The following ZFP1 variants were observed in gnomAD, a reference collection of about 807,000 sequenced individuals.
The protein encoded by ZFP1 is zinc finger protein 1 homolog.
ZFP1 carries 32 observed loss-of-function variants against 38.5 expected under a neutral mutation model. That is an observed-to-expected ratio of 0.83 (90% CI 0.63 to 1.12). ZFP1 has a LOEUF of 1.12. Ranked by LOEUF, ZFP1 falls within the 50% of genes most tolerant of loss-of-function variation. The probability of loss-of-function intolerance (pLI) is 0.00; values close to 1 mark genes in which losing one functional copy is unlikely to be tolerated. For synonymous variants in ZFP1, 245 were observed against 168.8 expected, an observed-to-expected ratio of 1.45 and a Z score of -3.50; for missense variants, 616 against 480.8, an observed-to-expected ratio of 1.28 and a Z score of -2.63.
At position 75,166,529 on chromosome 16, in the gene ZFP1, A is replaced by C. The variant is rs1423731340; in HGVS notation, c.16-241A>C. 7.1e-6 allele frequency: 7 copies of C among 985,024 alleles called. No homozygotes were observed. The Admixed American group carries it at 3.1e-4, about 43-fold the overall frequency. The allele number at this position is 985,024 out of a possible 1,614,324, so 61.0% of individuals were successfully genotyped here. On this transcript the variant is annotated intron_variant, in intron 2 of 3. Coordinates refer to ENST00000570010, the MANE Select transcript of ZFP1 (RefSeq NM_153688.4). ...CAGGTGTGAGCCACTATGCCTGGCC[A>C]ATAGTGTTTTATTAATCTGAGACAC...
the ZFP1 span, among the ~76,000 whole-genome samples, chr16:75,120,152 TGTGTGTGCGCATGTGC>T: frequency 6.6e-6 from 1 of 152,236 alleles, no homozygotes; most frequent in Non-Finnish European, 1.5e-5. Flanking sequence ...GTGGTGTGTG[TGTGTGTGCGCATGTGC>T]GTGTGTGTGT....
the ZFP1 span, among the ~76,000 whole-genome samples, chr16:75,137,381 G>T: frequency 6.6e-6 from 1 of 151,650 alleles, no homozygotes; most frequent in Non-Finnish European, 1.5e-5. Flanking sequence ...GGAGGCTTAG[G>T]TGGGAAGATC....
chr16:75,154,961 G>A (rs544151425), intron 2 of ZFP1, among the ~76,000 whole-genome samples: 35 of 152,036 alleles, frequency 2.3e-4, no homozygotes, highest in Admixed American at 2.3e-3. Context: ...CCATAGCCCA[G>A]CTAATTTTTG....
chr16:75,119,966 G>A, the ZFP1 span, among the ~76,000 whole-genome samples: 14 of 152,300 alleles, frequency 9.2e-5, no homozygotes, highest in South Asian at 2.9e-3. Context: ...ACACAACGAG[G>A]CCACCTTTTT....
chr16:75,134,486 G>A, the ZFP1 span, among the ~76,000 whole-genome samples: 1 of 151,942 alleles, frequency 6.6e-6, no homozygotes. Flanking sequence ...GCTGGGCGCG[G>A]TGGCTCACAC....
rs1487520478 is a variant in ZFP1, at chr16:75,170,055, G to C, written c.945G>C (p.Gln315His). The C allele has an allele frequency of 6.2e-7, 1 of 1,614,058 alleles. No homozygotes were observed. Among genetic ancestry groups the C allele is most frequent in the Admixed American group, 1.7e-5 (1 of 60,006 alleles). ...FFKKSNLIIH[Q>H]KIHTGEKRYE... Reference sequence around the variant, plus strand: ...AGAAGTCAAACCTTATCATACATCAGAAGATTCACACGGGGGAGAAACGCT... The same window carrying C: ...AGAAGTCAAACCTTATCATACATCACAAGATTCACACGGGGGAGAAACGCT... The change falls in exon 4 of 4, where the codon CAG (glutamine) becomes CAC (histidine). Residue 315 changes from glutamine (Q) to histidine (H), a missense_variant. Coordinates refer to ENST00000570010, the MANE Select transcript of ZFP1 (RefSeq NM_153688.4).
rs2038447212 is a variant in ZFP1 at position 75,171,784 on chromosome 16, A to G, written c.*1450A>G. 6.6e-6 allele frequency: 1 copy of G among 152,232 alleles called. No homozygotes were observed. The highest frequency in any genetic ancestry group is 6.5e-5 in the Admixed American group (1 of 15,284). 9.4% of individuals were successfully genotyped at this position (152,232 alleles called of 1,614,324 possible). On this transcript the variant is annotated 3_prime_UTR_variant, in exon 4 of 4. Coordinates refer to ENST00000570010, the MANE Select transcript of ZFP1 (RefSeq NM_153688.4). ...ATTTATCCAGAACATCCATAGCCCAATAAGCTTTTGTCTAAGTTGTCATCT... is the reference window on the plus strand; with the variant it reads ...ATTTATCCAGAACATCCATAGCCCAGTAAGCTTTTGTCTAAGTTGTCATCT...
intron 2 of ZFP1, 121 bp from the exon 3 acceptor site, chr16:75,166,649 G>C: frequency 2.6e-6 from 4 of 1,546,718 alleles, no homozygotes; most frequent in Non-Finnish European, 3.5e-6. Context: ...CAAAAACAGT[G>C]AACAAGATGT....
intron 2 of ZFP1, among the ~76,000 whole-genome samples, chr16:75,161,757 A>AATATATATATGTAT (rs1421384309): frequency 4.9e-4 from 7 of 14,294 alleles, no homozygotes; most frequent in African/African-American, 1.9e-3. Flanking sequence ...AGTTTTATGA[A>AATATATATATGTAT]ATATATATAT....
the ZFP1 span, among the ~76,000 whole-genome samples, chr16:75,133,441 G>T: frequency 6.6e-6 from 1 of 152,042 alleles, no homozygotes; most frequent in Non-Finnish European, 1.5e-5. Context: ...CCGTCAGATA[G>T]ACCCCAGCAT....
the ZFP1 span, among the ~76,000 whole-genome samples, chr16:75,133,747 A>G: frequency 6.6e-6 from 1 of 152,220 alleles, no homozygotes; most frequent in Non-Finnish European, 1.5e-5. Flanking sequence ...TGTACATTTT[A>G]GAATAAGTTT....
rs2038280432 is a variant in ZFP1, at chr16:75,169,269, T to A, written c.159T>A (p.Asp53Glu). 1.2e-6 allele frequency: 2 copies of A among 1,610,318 alleles called. No individual in the cohort carries two copies. Among genetic ancestry groups the A allele is most frequent in the Non-Finnish European group, 1.7e-6 (2 of 1,178,850 alleles). The change falls in exon 4 of 4, where the codon GAT becomes GAA. Residue 53 changes from aspartate (D) to glutamate (E), a missense_variant. Coordinates refer to ENST00000570010, the MANE Select transcript of ZFP1 (RefSeq NM_153688.4). ...NLLSVEVWKA[D>E]DQMERDHRNP... Reference sequence around the variant, plus strand: ...TATTCCTAGAAGTGTGGAAGGCTGATGACCAGATGGAGAGAGACCACAGAA... The same window carrying A: ...TATTCCTAGAAGTGTGGAAGGCTGAAGACCAGATGGAGAGAGACCACAGAA...
At chr16:75,135,430 A>T in the ZFP1 span, among the ~76,000 whole-genome samples, 3 of 152,200 alleles carry the variant, frequency 2.0e-5, no homozygotes, top group Admixed American at 6.6e-5. Context: ...TTCCATCCAC[A>T]TGACATTCTG....
the ZFP1 span, among the ~76,000 whole-genome samples, chr16:75,139,253 C>T: frequency 7.9e-5 from 12 of 151,188 alleles, no homozygotes; most frequent in Non-Finnish European, 1.5e-4. Context: ...CCTGTAGTCC[C>T]AGCTACTCGG....
upstream of ZFP1, among the ~76,000 whole-genome samples, chr16:75,147,781 G>A (rs766154165): frequency 5.3e-5 from 8 of 152,162 alleles, no homozygotes; most frequent in Non-Finnish European, 7.3e-5. Flanking sequence ...GAAGGGAAAT[G>A]GGAAGATGGT....
rs75904865 is a variant in ZFP1, at chr16:75,166,075, G to A, written c.16-695G>A. 3.9e-5 allele frequency among the ~76,000 whole-genome samples: 6 copies of A among 152,088 alleles called. No homozygotes were observed. In the East Asian group the frequency reaches 1.2e-3, roughly 29 times the overall value. ...GGACAGAGATCCTTACTTGTACCTGGTATTTTACAGTTGGAAGTTCATCTT... is the reference window on the plus strand; with the variant it reads ...GGACAGAGATCCTTACTTGTACCTGATATTTTACAGTTGGAAGTTCATCTT... On this transcript the variant is annotated intron_variant, in intron 2 of 3. Coordinates refer to ENST00000570010, the MANE Select transcript of ZFP1 (RefSeq NM_153688.4).
chr16:75,144,620 A>G (rs753619600), upstream of ZFP1, among the ~76,000 whole-genome samples: 24 of 152,210 alleles, frequency 1.6e-4, no homozygotes, highest in Non-Finnish European at 3.2e-4. Flanking sequence ...ACAATGTTGT[A>G]TATCCATCAC....
chr16:75,135,385 T>C, the ZFP1 span, among the ~76,000 whole-genome samples: 3 of 152,148 alleles, frequency 2.0e-5, no homozygotes, highest in Non-Finnish European at 4.4e-5. Flanking sequence ...TGCTAAGTGA[T>C]AGAAGTCAGT....
chr16:75,143,208 C>A, the ZFP1 span, among the ~76,000 whole-genome samples: 1 of 152,096 alleles, frequency 6.6e-6, no homozygotes, highest in East Asian at 1.9e-4. Flanking sequence ...ATCACACAAT[C>A]TGAGTACGTG....
Sources: gnomAD v4.1 joint callset for allele counts (sites outside exome capture counted in the v4.1 genomes callset) on GRCh38, gnomAD v4.1.1 for gene constraint, MANE v1.5 for transcripts, NCBI Gene and HGNC (gene_info 2026-07-23, HGNC 2026-07-21) for gene names.